Variants in BRWD3 observed in about 807,000 individuals in gnomAD.
BRWD3 encodes bromodomain and WD repeat domain containing 3.
BRWD3 carries 10 observed loss-of-function variants against 149.7 expected under a neutral mutation model. The observed-to-expected ratio is 0.07, with a 90% CI of 0.04 to 0.11. The LOEUF (loss-of-function observed/expected upper bound fraction) is 0.11, where lower values mean the gene tolerates loss of function less well. Ranked by LOEUF, BRWD3 falls within the 10% of genes least tolerant of loss-of-function variation. The pLI is 1.00. For synonymous variants in BRWD3, 504 were observed against 456.7 expected, an observed-to-expected ratio of 1.10 and a Z score of -1.32; for missense variants, 940 against 1,373.2, an observed-to-expected ratio of 0.68 and a Z score of 4.99.
chrX:80,771,642 C>A (rs1380541914), intron 6 of BRWD3, among the ~76,000 whole-genome samples: 3 of 111,761 alleles, frequency 2.7e-5, no homozygotes, highest in South Asian at 3.7e-4. Context: ...TAAAGAGCTT[C>A]TGCACAACAA....
rs759671390 is a variant in BRWD3 at position 80,733,448 on chromosome X, A to G, written c.1127+8T>C. The G allele has an allele frequency of 2.5e-6, 3 of 1,183,671 alleles. No individual in the cohort carries two copies. Among genetic ancestry groups the G allele is most frequent in the Non-Finnish European group, 3.4e-6 (3 of 872,779 alleles). ...ATTTGTTTACACAAATATGTATTAC[A>G]TAATTACCTGTCTCCATTGTTACAG... On this transcript the variant is annotated splice_region_variant and intron_variant, in intron 12 of 40. Coordinates refer to ENST00000373275, the MANE Select transcript of BRWD3 (RefSeq NM_153252.5).
chrX:80,799,490 T>G (rs1026736519), intron 4 of BRWD3, among the ~76,000 whole-genome samples: 1 of 112,455 alleles, frequency 8.9e-6, no homozygotes, highest in Non-Finnish European at 1.9e-5. Context: ...TGAGATTGCA[T>G]GCTCAAAAAG....
At position 80,723,926 on chromosome X, in the gene BRWD3, T is replaced by C. The variant is rs775947564; in HGVS notation, c.1522-50A>G. On this transcript the variant is annotated intron_variant, in intron 15 of 40. Transcript: ENST00000373275. ...CATCTTAAGAGTAATTTTCAAATAA[T>C]AGATAGGCGGTAACTTCTCCTTGTT... 7 of 1,152,537 alleles carry C rather than the reference T, an allele frequency of 6.1e-6. No homozygotes were observed. In the Admixed American group the frequency reaches 1.5e-4, roughly 25 times the overall value. 95.0% of individuals were successfully genotyped at this position (1,152,537 alleles called of 1,213,427 possible).
chrX:80,779,898 A>G (rs1602426840), intron 6 of BRWD3, among the ~76,000 whole-genome samples: 2 of 111,712 alleles, frequency 1.8e-5, no homozygotes, highest in South Asian at 7.4e-4. Context: ...AAATAACACT[A>G]ATAAGTTCTA....
At chrX:80,688,877 T>G (rs2072571636) in intron 33 of BRWD3, among the ~76,000 whole-genome samples, 1 of 111,129 alleles carries the variant, frequency 9.0e-6, no homozygotes, top group East Asian at 2.8e-4. Flanking sequence ...TACATTTTTC[T>G]TAGGTTTTAA....
Position 80,784,211 on chromosome X carries a change from T to C in BRWD3, c.430+7643A>G, listed in dbSNP as rs887535206. On this transcript the variant is annotated intron_variant, in intron 6 of 40. Coordinates refer to ENST00000373275, the MANE Select transcript of BRWD3 (RefSeq NM_153252.5). ...ACCCAACAAATATACACATCTACTA[T>C]GTACCTATAAAAACCAGAAATTGAT... Among the ~76,000 whole-genome samples, 6 of 111,011 alleles carry C rather than the reference T, an allele frequency of 5.4e-5. No homozygotes were observed. In the Admixed American group the frequency reaches 5.8e-4, roughly 11 times the overall value.
intron 33 of BRWD3, among the ~76,000 whole-genome samples, chrX:80,688,801 T>C (rs766925636): frequency 1.8e-5 from 2 of 110,899 alleles, no homozygotes; most frequent in Non-Finnish European, 3.8e-5. Context: ...CAAACTAAAA[T>C]ATATTTATGT....
At chrX:80,726,312 C>T (rs1006695271) in intron 14 of BRWD3, among the ~76,000 whole-genome samples, 1 of 101,696 alleles carries the variant, frequency 9.8e-6, no homozygotes, top group Non-Finnish European at 2.0e-5. Flanking sequence ...CATGTTATGT[C>T]TGTATAACAT....
chrX:80,761,977 C>T (rs1220250080), intron 6 of BRWD3, among the ~76,000 whole-genome samples: 1 of 111,495 alleles, frequency 9.0e-6, no homozygotes, highest in Admixed American at 9.6e-5. Flanking sequence ...TACTCATTTA[C>T]TATATCCTAA....
chrX:80,790,781 T>C (rs1207850300), intron 6 of BRWD3, among the ~76,000 whole-genome samples: 1 of 111,900 alleles, frequency 8.9e-6, no homozygotes, highest in Non-Finnish European at 1.9e-5. Context: ...ATACTGTATT[T>C]TGAAAATAAG....
chrX:80,795,405 A>G (rs1438768990), intron 4 of BRWD3, among the ~76,000 whole-genome samples: 1 of 109,727 alleles, frequency 9.1e-6, no homozygotes, highest in African/African-American at 3.3e-5. Context: ...ATATGTGTGT[A>G]TATTCAGTGG....
chrX:80,671,871 G>T lies in BRWD3; in HGVS notation c.*4738C>A, dbSNP rs1237112707. Reference sequence around the variant, plus strand: ...CAAGAATGATAAGTTACAGGACAAAGAAATAAATTACTGATTGCCATCACC... The same window carrying T: ...CAAGAATGATAAGTTACAGGACAAATAAATAAATTACTGATTGCCATCACC... On this transcript the variant is annotated 3_prime_UTR_variant, in exon 41 of 41. Transcript: ENST00000373275. 1 of 111,723 alleles carries T rather than the reference G, an allele frequency of 9.0e-6. No homozygotes were observed. Among genetic ancestry groups the T allele is most frequent in the African/African-American group, 3.2e-5 (1 of 30,778 alleles). 9.2% of individuals were successfully genotyped at this position (111,723 alleles called of 1,213,427 possible).
intron 6 of BRWD3, among the ~76,000 whole-genome samples, chrX:80,764,507 G>A (rs1184422046): frequency 9.2e-6 from 1 of 108,313 alleles, no homozygotes; most frequent in Non-Finnish European, 1.9e-5. Context: ...TATAGACGGT[G>A]TTTCACCATG....
chrX:80,758,290 A>G (rs2073766546), intron 6 of BRWD3, among the ~76,000 whole-genome samples: 1 of 112,205 alleles, frequency 8.9e-6, no homozygotes, highest in Admixed American at 9.4e-5. Flanking sequence ...TGTATCACTT[A>G]TCCAATTTCA....
Position 80,794,347 on chromosome X carries a change from A to C in BRWD3, c.181-575T>G, listed in dbSNP as rs776956989. Among the ~76,000 whole-genome samples, 28 of 108,496 alleles carry C rather than the reference A, an allele frequency of 2.6e-4. No individual in the cohort carries two copies. The South Asian group carries it at 0.011, about 42-fold the overall frequency. The allele number at this position is 108,496 out of a possible 115,157, so 94.2% of individuals were successfully genotyped here. On this transcript the variant is annotated intron_variant, in intron 4 of 40. Transcript: ENST00000373275. ...ACAACAAAACCCCATCTCTACAAAA[A>C]ATACAAAAATTAGCTGGGTATGGTG...
At chrX:80,727,442 T>C (rs758821389) in intron 14 of BRWD3, among the ~76,000 whole-genome samples, 21 of 111,046 alleles carry the variant, frequency 1.9e-4, no homozygotes, top group African/African-American at 6.2e-4. Flanking sequence ...CTCTGTGATA[T>C]AGCTAAATTG....
At chrX:80,805,771 T>A (rs1274165223) in intron 4 of BRWD3, among the ~76,000 whole-genome samples, 1 of 110,767 alleles carries the variant, frequency 9.0e-6, no homozygotes, top group Non-Finnish European at 1.9e-5. Context: ...CCGTCTCTAC[T>A]AAAAAATACA....
chrX:80,794,050 C>T (rs1401485245), intron 4 of BRWD3, among the ~76,000 whole-genome samples: 3 of 110,810 alleles, frequency 2.7e-5, no homozygotes, highest in East Asian at 2.8e-4. Context: ...TGGTGCTGCA[C>T]GCCTGTAATC....
At position 80,734,178 on chromosome X, in the gene BRWD3, A is replaced by G. The variant is rs751070072; in HGVS notation, c.1026T>C (p.Ile342=). 7 of 1,200,391 alleles carry G rather than the reference A, an allele frequency of 5.8e-6. No homozygotes were observed. In the South Asian group the frequency reaches 1.2e-4, roughly 21 times the overall value. The stretch of plus-strand genomic sequence containing the variant: ...CCTCAGAACCCAAATAATATATTCT[A>G]ATCACATGGTCAGTACTACCAGTTG... ...FITTGSTDHV[I]RIYYLGSEVP... is the part of the protein sequence containing the mutation. Residue 342 remains isoleucine, a synonymous_variant, in exon 11 of 41, where the codon ATT becomes ATC. Coordinates refer to ENST00000373275, the MANE Select transcript of BRWD3 (RefSeq NM_153252.5).
Sources: allele counts gnomAD v4.1 joint callset (sites outside exome capture counted in the v4.1 genomes callset), GRCh38; gene constraint gnomAD v4.1.1; transcripts MANE v1.5; gene names NCBI Gene and HGNC (gene_info 2026-07-23, HGNC 2026-07-21).